TMEM74: variants seen among roughly 807,000 people sequenced by gnomAD.
TMEM74 encodes transmembrane protein 74.
In TMEM74, 13 loss-of-function variants were observed where a neutral mutation model predicts 18.1. The ratio of observed to expected loss-of-function variants is 0.72; its 90% confidence interval spans 0.47 to 1.14. The LOEUF (loss-of-function observed/expected upper bound fraction) is 1.14, where lower values mean the gene tolerates loss of function less well. Ranked by LOEUF, TMEM74 falls within the 50% of genes most tolerant of loss-of-function variation. TMEM74 has a pLI of 0.00. For missense variants in TMEM74, 372 were observed against 375.9 expected (o/e 0.99, Z 0.09); for synonymous variants, 159 against 146.6 (o/e 1.08, Z -0.61).
At chr8:108,773,325 A>G (rs1052132742) in intron 1 of TMEM74, among the ~76,000 whole-genome samples, 3 of 152,152 alleles carry the variant, frequency 2.0e-5, no homozygotes, top group Non-Finnish European at 2.9e-5. Context: ...ATATATCCTA[A>G]AAAAAGATAC....
chr8:108,611,834 A>G (rs1812337320), intron 2 of TMEM74, among the ~76,000 whole-genome samples: 1 of 152,186 alleles, frequency 6.6e-6, no homozygotes, highest in South Asian at 2.1e-4. Context: ...CTGTTCTCAC[A>G]CTGCTATGAA....
In TMEM74 at chr8:108,780,371, C is replaced by T. The variant is rs1490061775; in HGVS notation, c.*3810G>A. 6.6e-6 allele frequency among the ~76,000 whole-genome samples: 1 copy of T among 152,118 alleles called. No individual in the cohort carries two copies. Among genetic ancestry groups the T allele is most frequent in the Admixed American group, 6.5e-5 (1 of 15,270 alleles). ...TGAAAGATGAAGACCAAAATGTTCACATGCTCCTGCCTAGAATTTTTGCTT... is the reference window on the plus strand; with the variant it reads ...TGAAAGATGAAGACCAAAATGTTCATATGCTCCTGCCTAGAATTTTTGCTT... On this transcript the variant is annotated 3_prime_UTR_variant, in exon 2 of 2. Transcript: ENST00000297459.
rs115755416 is a variant in TMEM74, at chr8:108,731,224, G to A, written n.119+56252C>T. ...CTATTTCATGTCGTTATCCACCACC[G>A]CCCCCCATCCCCCCCAAAAAAAGGA... On this transcript the variant is annotated intron_variant and non_coding_transcript_variant, in intron 1 of 3. Transcript: ENST00000518838. Among the ~76,000 whole-genome samples the A allele has an allele frequency of 2.4e-3, 357 of 150,084 alleles. 3 individuals are homozygous for A. Among genetic ancestry groups the A allele is most frequent in the African/African-American group, 5.5e-3 (226 of 40,762 alleles).
chr8:108,686,342 G>A (rs914342499), intron 1 of TMEM74, among the ~76,000 whole-genome samples: 2 of 151,968 alleles, frequency 1.3e-5, no homozygotes, highest in Admixed American at 6.6e-5. Context: ...GGGACTACAG[G>A]CACCTGCCAC....
At chr8:108,776,728 CATG>C (rs71305917), downstream of TMEM74, among the ~76,000 whole-genome samples, 13,714 of 147,886 alleles carry the variant, frequency 0.093, 739 homozygotes, top group Middle Eastern at 0.17. Flanking sequence ...GCAGTTTCCA[CATG>C]ATGATGATGA....
At chr8:108,609,896 G>C (rs1302581085) in intron 2 of TMEM74, among the ~76,000 whole-genome samples, 1 of 152,144 alleles carries the variant, frequency 6.6e-6, no homozygotes, top group African/African-American at 2.4e-5. Flanking sequence ...GAACCATGTG[G>C]ATATGGTCCC....
At chr8:108,621,321 T>C (rs1332131995) in intron 2 of TMEM74, among the ~76,000 whole-genome samples, 1 of 152,124 alleles carries the variant, frequency 6.6e-6, no homozygotes, top group Admixed American at 6.6e-5. Flanking sequence ...GGCTGAGTAT[T>C]TATTTATCAA....
intron 1 of TMEM74, among the ~76,000 whole-genome samples, chr8:108,762,100 C>T (rs960064518): frequency 1.3e-5 from 2 of 152,152 alleles, no homozygotes; most frequent in Non-Finnish European, 2.9e-5. Flanking sequence ...GGATAGACAT[C>T]ATCTTCAATA....
chr8:108,612,639 C>T (rs1812344841), intron 2 of TMEM74, among the ~76,000 whole-genome samples: 1 of 152,124 alleles, frequency 6.6e-6, no homozygotes, highest in African/African-American at 2.4e-5. Context: ...GCTAAAGTGA[C>T]CTATCCAGCT....
At position 108,780,679 on chromosome 8, in the gene TMEM74, A is replaced by C. The variant is rs1015771758; in HGVS notation, c.*3502T>G. Among the ~76,000 whole-genome samples the C allele has an allele frequency of 6.6e-6, 1 of 152,176 alleles. No individual in the cohort carries two copies. The highest frequency in any genetic ancestry group is 6.5e-5 in the Admixed American group (1 of 15,282). On this transcript the variant is annotated 3_prime_UTR_variant, in exon 2 of 2. Coordinates refer to ENST00000297459, the MANE Select transcript of TMEM74 (RefSeq NM_153015.3). ...AGACAGCAAAGCATGTGATGATATC[A>C]AGGCAAGTAACTTGATAGAACAGAA...
In TMEM74 at chr8:108,781,957, A is replaced by T. The variant is rs568276772; in HGVS notation, c.*2224T>A. On this transcript the variant is annotated 3_prime_UTR_variant, in exon 2 of 2. Coordinates refer to ENST00000297459, the MANE Select transcript of TMEM74 (RefSeq NM_153015.3). ...CTCTTCCTTCATAAACTGAAAATTG[A>T]TTCCACATTAATTCAGTTTAGTCTG... 1.3e-5 allele frequency among the ~76,000 whole-genome samples: 2 copies of T among 152,368 alleles called. No homozygotes were observed. The highest frequency in any genetic ancestry group is 2.9e-5 in the Non-Finnish European group (2 of 68,036).
intron 2 of TMEM74, among the ~76,000 whole-genome samples, chr8:108,653,971 A>G (rs570060473): frequency 2.5e-4 from 38 of 152,286 alleles, no homozygotes; most frequent in African/African-American, 8.9e-4. Context: ...GTGCATATAT[A>G]ATATAAAGAT....
intron 2 of TMEM74, among the ~76,000 whole-genome samples, chr8:108,641,339 C>A (rs757751443): frequency 6.6e-6 from 1 of 152,050 alleles, no homozygotes; most frequent in African/African-American, 2.4e-5. Flanking sequence ...AAAATACATG[C>A]CTTACTGATA....
chr8:108,717,954 T>TG, intron 1 of TMEM74, among the ~76,000 whole-genome samples: 1 of 51,638 alleles, frequency 1.9e-5, no homozygotes, highest in Non-Finnish European at 2.9e-5. Context: ...TTTTTTTTTT[T>TG]TTTTTTTTTT....
At chr8:108,777,311 C>T (rs576351096), downstream of TMEM74, among the ~76,000 whole-genome samples, 12 of 152,244 alleles carry the variant, frequency 7.9e-5, no homozygotes, top group Non-Finnish European at 1.3e-4. Context: ...ACTTTCTCTC[C>T]GTCCCTGGAT....
intron 1 of TMEM74, among the ~76,000 whole-genome samples, chr8:108,666,332 C>T (rs550141254): frequency 5.1e-4 from 77 of 152,226 alleles, no homozygotes; most frequent in Non-Finnish European, 9.7e-4. Flanking sequence ...ACAGTAACTA[C>T]GAGTTGAGTG....
At chr8:108,631,756 T>G (rs566182995) in intron 2 of TMEM74, among the ~76,000 whole-genome samples, 81 of 152,080 alleles carry the variant, frequency 5.3e-4, no homozygotes, top group Non-Finnish European at 1.0e-3. Flanking sequence ...CGATTGCTTC[T>G]GGTGCCCCTT....
Position 108,780,430 on chromosome 8 carries a change from G to A in TMEM74, c.*3751C>T, listed in dbSNP as rs1201084282. ...GTGGTAAAAAAAAATAGAGCCATTG[G>A]GTTCAGGCTTTTAATTCTCAATATT... On this transcript the variant is annotated 3_prime_UTR_variant, in exon 2 of 2. Transcript: ENST00000297459. 2.6e-5 allele frequency among the ~76,000 whole-genome samples: 4 copies of A among 152,054 alleles called. No individual in the cohort carries two copies. Among genetic ancestry groups the A allele is most frequent in the Non-Finnish European group, 5.9e-5 (4 of 68,002 alleles).
At chr8:108,687,645 T>C (rs921372009) in intron 1 of TMEM74, among the ~76,000 whole-genome samples, 1 of 152,058 alleles carries the variant, frequency 6.6e-6, no homozygotes, top group Non-Finnish European at 1.5e-5. Context: ...CTTGGTCTGA[T>C]GGGAGACAGT....
Sources: gnomAD v4.1 joint callset for allele counts (sites outside exome capture counted in the v4.1 genomes callset) on GRCh38, gnomAD v4.1.1 for gene constraint, MANE v1.5 for transcripts, NCBI Gene and HGNC (gene_info 2026-07-23, HGNC 2026-07-21) for gene names.